Variants in AMZ1 observed in about 807,000 individuals in gnomAD.
AMZ1 encodes the protein archaemetzincin-1.
In AMZ1, 39 loss-of-function variants were observed where a neutral mutation model predicts 29.9. That is an observed-to-expected ratio of 1.30 (90% CI 1.01 to 1.70). AMZ1 has a LOEUF of 1.70. Among genes scored for constraint, AMZ1 ranks in the 40% most tolerant of loss-of-function variants. AMZ1 has a pLI of 0.00. For missense variants in AMZ1, 1,041 were observed against 680.6 expected (o/e 1.53, Z -5.89); for synonymous variants, 458 against 304.0 (o/e 1.51, Z -5.27).
intron 5 of AMZ1, 56 bp downstream of exon 5, chr7:2,709,300 T>G (rs2115165814): frequency 6.9e-7 from 1 of 1,445,562 alleles, no homozygotes; most frequent in African/African-American, 1.4e-5. Flanking sequence ...GTCTGAGCCC[T>G]TGGTGCCTCG....
At chr7:2,744,578 G>A (rs1790675356) in intron 4 of AMZ1, among the ~76,000 whole-genome samples, 1 of 152,222 alleles carries the variant, frequency 6.6e-6, no homozygotes, top group African/African-American at 2.4e-5. Flanking sequence ...AAAAAACAGA[G>A]CAGAAAAACT....
intron 4 of AMZ1, among the ~76,000 whole-genome samples, chr7:2,734,308 C>G (rs531778643): frequency 6.6e-6 from 1 of 152,316 alleles, no homozygotes; most frequent in African/African-American, 2.4e-5. Flanking sequence ...TCAAAGGTAG[C>G]GTATTAAAAA....
intron 1 of AMZ1, among the ~76,000 whole-genome samples, chr7:2,680,820 C>T (rs1786855349): frequency 6.6e-6 from 1 of 152,260 alleles, no homozygotes; most frequent in Non-Finnish European, 1.5e-5. Flanking sequence ...GATGCTGGGC[C>T]TCCCTGACGA....
At chr7:2,724,176 C>G (rs1789534725), downstream of AMZ1, among the ~76,000 whole-genome samples, 1 of 152,180 alleles carries the variant, frequency 6.6e-6, no homozygotes, top group Admixed American at 6.5e-5. Context: ...GCCTCAGCCT[C>G]CCAAGGTGCT....
At chr7:2,724,945 G>A (rs1390964766) in intron 4 of AMZ1, among the ~76,000 whole-genome samples, 1 of 152,062 alleles carries the variant, frequency 6.6e-6, no homozygotes. Flanking sequence ...CGGTACCCCA[G>A]CGGGTGGTCT....
chr7:2,748,916 A>G (rs916548798), intron 4 of AMZ1, among the ~76,000 whole-genome samples: 1 of 152,250 alleles, frequency 6.6e-6, no homozygotes, highest in African/African-American at 2.4e-5. Flanking sequence ...AAAAATGCTC[A>G]TCATCACTGG....
rs144655801 is a variant in AMZ1, at chr7:2,708,625, G to C, written c.510G>C (p.Gly170=). The part of the protein sequence containing the change: ...ILSFLKNNKP[G]DALCVLGLTL... The stretch of plus-strand genomic sequence containing the variant: ...CCTTCTTGAAGAACAACAAGCCAGG[G>C]GACGCGCTGTGTGTGCTGGGCCTCA... Residue 170 remains glycine (G), a synonymous_variant, in exon 4 of 7, where the codon GGG becomes GGC. Coordinates refer to ENST00000683327, the MANE Select transcript of AMZ1 (RefSeq NM_001384743.1). 8 of 1,612,968 alleles carry C rather than the reference G, an allele frequency of 5.0e-6. No individual in the cohort carries two copies. Among genetic ancestry groups the C allele is most frequent in the East Asian group, 4.5e-5 (2 of 44,884 alleles).
chr7:2,764,191 G>T (rs145692034), upstream of AMZ1, among the ~76,000 whole-genome samples: 1,727 of 151,842 alleles, frequency 0.011, 37 homozygotes, highest in African/African-American at 0.039. Context: ...TCCTGCCTCA[G>T]CCTCCTGAGT....
intron 2 of AMZ1, among the ~76,000 whole-genome samples, chr7:2,701,648 C>T (rs1020781690): frequency 2.2e-4 from 34 of 152,330 alleles, no homozygotes; most frequent in African/African-American, 6.7e-4. Flanking sequence ...GCACACGGGA[C>T]GGGGGCCCTT....
intron 4 of AMZ1, chr7:2,728,681 C>T (rs892693577): frequency 2.0e-5 from 3 of 152,346 alleles, no homozygotes; most frequent in African/African-American, 4.8e-5. Context: ...TTAAAAAATA[C>T]AAAAGCCTAA....
chr7:2,718,591 G>A lies in AMZ1; in HGVS notation c.*5713G>A, dbSNP rs918340777. ...GCGGCTGACGGCTCCCGGGGGCAGTGTGGGGTCCAGTCTGAAGCCGACGCC... is the reference window on the plus strand; with the variant it reads ...GCGGCTGACGGCTCCCGGGGGCAGTATGGGGTCCAGTCTGAAGCCGACGCC... On this transcript the variant is annotated 3_prime_UTR_variant, in exon 7 of 7. Transcript: ENST00000683327. Among the ~76,000 whole-genome samples, 1 of 152,250 alleles carries A rather than the reference G, an allele frequency of 6.6e-6. No homozygotes were observed. Among genetic ancestry groups the A allele is most frequent in the African/African-American group, 2.4e-5 (1 of 41,474 alleles).
At chr7:2,759,001 G>A (rs1011061285) in intron 4 of AMZ1, among the ~76,000 whole-genome samples, 4 of 151,168 alleles carry the variant, frequency 2.6e-5, no homozygotes, top group East Asian at 3.9e-4. Flanking sequence ...CTAGCGGGGC[G>A]TGGTGGTGGG....
chr7:2,754,085 C>T (rs1006289198), intron 4 of AMZ1, among the ~76,000 whole-genome samples: 1 of 152,182 alleles, frequency 6.6e-6, no homozygotes, highest in African/African-American at 2.4e-5. Context: ...TACCTCCCCA[C>T]CAGTGATGAA....
intron 4 of AMZ1, among the ~76,000 whole-genome samples, chr7:2,736,900 G>C (rs987649853): frequency 7.2e-5 from 11 of 152,174 alleles, no homozygotes; most frequent in African/African-American, 2.7e-4. Flanking sequence ...CACGAGAAAA[G>C]AGCTTCAGAT....
intron 1 of AMZ1, among the ~76,000 whole-genome samples, chr7:2,694,906 C>T (rs959421421): frequency 2.0e-5 from 3 of 152,142 alleles, no homozygotes; most frequent in East Asian, 1.9e-4. Flanking sequence ...CTCCTGACCT[C>T]GAGTGATCCG....
chr7:2,695,849 A>G (rs893023933), intron 1 of AMZ1, among the ~76,000 whole-genome samples: 5 of 151,990 alleles, frequency 3.3e-5, no homozygotes, highest in Non-Finnish European at 5.9e-5. Flanking sequence ...CGTCTCTACT[A>G]AAAATACAAA....
chr7:2,750,955 C>T (rs1791005725), intron 4 of AMZ1, among the ~76,000 whole-genome samples: 1 of 152,078 alleles, frequency 6.6e-6, no homozygotes, highest in Non-Finnish European at 1.5e-5. Context: ...GGAGTGGTAC[C>T]CAGACATGCC....
intron 4 of AMZ1, among the ~76,000 whole-genome samples, chr7:2,742,025 T>C (rs1210923025): frequency 6.6e-6 from 1 of 151,828 alleles, no homozygotes; most frequent in Non-Finnish European, 1.5e-5. Flanking sequence ...AATTTTTTTA[T>C]TTTTTTATTT....
At chr7:2,696,620 C>G (rs1299833734) in intron 1 of AMZ1, among the ~76,000 whole-genome samples, 2 of 151,696 alleles carry the variant, frequency 1.3e-5, no homozygotes, top group African/African-American at 4.8e-5. Flanking sequence ...CACGGTGGCT[C>G]ATGCCTGTAA....
Sources: allele counts gnomAD v4.1 joint callset (sites outside exome capture counted in the v4.1 genomes callset), GRCh38; gene constraint gnomAD v4.1.1; transcripts MANE v1.5; gene names NCBI Gene and HGNC (gene_info 2026-07-23, HGNC 2026-07-21).